Variants in RPS6KA2 observed in about 807,000 individuals in gnomAD.
RPS6KA2 encodes the protein ribosomal protein S6 kinase A2.
Under a neutral mutation model 91.8 loss-of-function variants are expected in RPS6KA2, and 42 were observed. That is an observed-to-expected ratio of 0.46 (90% CI 0.36 to 0.59). The LOEUF (loss-of-function observed/expected upper bound fraction) is 0.59. Ranked by LOEUF, RPS6KA2 falls within the 20% of genes least tolerant of loss-of-function variation. The probability of loss-of-function intolerance (pLI) is 0.00; values close to 1 mark genes in which losing one functional copy is unlikely to be tolerated. For missense variants in RPS6KA2, 798 were observed against 978.5 expected (o/e 0.82, Z 2.46); for synonymous variants, 414 against 393.6 (o/e 1.05, Z -0.61).
chr6:166,479,241 C>T (rs1180655919), intron 10 of RPS6KA2, among the ~76,000 whole-genome samples: 1 of 152,224 alleles, frequency 6.6e-6, no homozygotes, highest in Non-Finnish European at 1.5e-5. Context: ...CTTCACGGGT[C>T]CCCAGAGCCT....
chr6:166,814,849 A>C lies in RPS6KA2; in HGVS notation c.123+43351T>G, dbSNP rs147930919. On this transcript the variant is annotated intron_variant, in intron 2 of 21. Transcript: ENST00000503859. Reference sequence around the variant, plus strand: ...GAAAACAAGCTCAGGGCTCACATTGATTCTACGTGATGATGAGTTGTATCA... The same window carrying C: ...GAAAACAAGCTCAGGGCTCACATTGCTTCTACGTGATGATGAGTTGTATCA... 3.3e-3 allele frequency among the ~76,000 whole-genome samples: 499 copies of C among 152,310 alleles called. 2 individuals are homozygous for C. The highest frequency in any genetic ancestry group is 0.012 in the African/African-American group (487 of 41,562).
chr6:166,783,545 T>C (rs1395243701), intron 2 of RPS6KA2, among the ~76,000 whole-genome samples: 2 of 152,092 alleles, frequency 1.3e-5, no homozygotes, highest in East Asian at 1.9e-4. Flanking sequence ...ATGACATAGA[T>C]ATATGCATAC....
At position 166,770,907 on chromosome 6, in the gene RPS6KA2, T is replaced by C; in HGVS notation, c.123+87293A>G. ...TTTGTCTTGCAGGCAGCTGAGTCAC[T>C]TTTGCCCTGTGAAAATGGAAACGAA... is the stretch of plus-strand genomic sequence containing the variant. On this transcript the variant is annotated intron_variant, in intron 2 of 21. Transcript: ENST00000503859. This position sits in a 1 kb window ranked among gnomAD's most constrained non-coding sequence, Gnocchi z 5.1. 1 of 1,596,718 alleles carries C rather than the reference T, an allele frequency of 6.3e-7. No homozygotes were observed. Among genetic ancestry groups the C allele is most frequent in the African/African-American group, 1.3e-5 (1 of 74,952 alleles).
At chr6:166,504,649 TTTAAC>T (rs1782134895) in intron 5 of RPS6KA2, 37 bp from the exon 6 acceptor site, 1 of 1,393,296 alleles carries the variant, frequency 7.2e-7, no homozygotes, top group Non-Finnish European at 1.0e-6. Flanking sequence ...ACAAAAAACG[TTTAAC>T]TTGTTTTATG....
intron 2 of RPS6KA2, among the ~76,000 whole-genome samples, chr6:166,769,637 G>C (rs1032241944): frequency 6.6e-6 from 1 of 152,142 alleles, no homozygotes; most frequent in Admixed American, 6.5e-5. Context: ...TGCAAAATGC[G>C]TTCAGACCCA....
chr6:166,466,134 C>G (rs1461530040), intron 11 of RPS6KA2, among the ~76,000 whole-genome samples: 1 of 152,210 alleles, frequency 6.6e-6, no homozygotes, highest in Non-Finnish European at 1.5e-5. Context: ...AACTTCTCAG[C>G]TCTGATTCTA....
chr6:166,480,514 T>TATATATATATATATATAA (rs1554279395), intron 10 of RPS6KA2, among the ~76,000 whole-genome samples: 77 of 110,572 alleles, frequency 7.0e-4, no homozygotes, highest in African/African-American at 1.2e-3. Flanking sequence ...TATATATATA[T>TATATATATATATATATAA]AATATATTTT....
intron 2 of RPS6KA2, among the ~76,000 whole-genome samples, chr6:166,739,745 T>C (rs762828715): frequency 7.9e-5 from 12 of 152,206 alleles, no homozygotes; most frequent in Non-Finnish European, 1.8e-4. Flanking sequence ...CATCTCCACG[T>C]AGGAGCCACT....
At chr6:166,430,132 T>G (rs58361670) in intron 16 of RPS6KA2, among the ~76,000 whole-genome samples, 3,794 of 151,676 alleles carry the variant, frequency 0.025, 107 homozygotes, top group African/African-American at 0.073. Context: ...TAATTTTTTT[T>G]TTGTTGTTGT....
chr6:166,827,027 G>A (rs1780063192), intron 2 of RPS6KA2, among the ~76,000 whole-genome samples: 1 of 152,134 alleles, frequency 6.6e-6, no homozygotes, highest in Non-Finnish European at 1.5e-5. Flanking sequence ...GGAGGTGGGG[G>A]TATGGGGAGA....
chr6:166,505,693 GC>G (rs1388142176), intron 5 of RPS6KA2, among the ~76,000 whole-genome samples: 4 of 152,222 alleles, frequency 2.6e-5, no homozygotes, highest in Admixed American at 6.5e-5. Flanking sequence ...CTTCCACAGG[GC>G]TGGACACGCA....
rs531253461 is a variant in RPS6KA2 at position 166,418,676 on chromosome 6, C to A, written c.1821-334G>T. Among the ~76,000 whole-genome samples the A allele has an allele frequency of 6.6e-6, 1 of 152,178 alleles. No homozygotes were observed. Among genetic ancestry groups the A allele is most frequent in the African/African-American group, 2.4e-5 (1 of 41,428 alleles). On this transcript the variant is annotated intron_variant, in intron 18 of 20. Transcript: ENST00000265678. The surrounding 1 kb of genome is among the most constrained non-coding windows in gnomAD (Gnocchi z 4.9). Reference sequence around the variant, plus strand: ...TCCACGGTGATGGTGTGGCATCATGCGAGAGAGCCTGAGACGTGGAGTCTG... The same window carrying A: ...TCCACGGTGATGGTGTGGCATCATGAGAGAGAGCCTGAGACGTGGAGTCTG...
At chr6:166,628,120 C>A (rs1229967938), upstream of RPS6KA2, 2 of 152,410 alleles carry the variant, frequency 1.3e-5, no homozygotes, top group East Asian at 3.9e-4. Context: ...CTGGGAATAC[C>A]CGGGCGGGGT....
intron 7 of RPS6KA2, among the ~76,000 whole-genome samples, chr6:166,498,936 A>G (rs1236064951): frequency 6.6e-6 from 1 of 152,190 alleles, no homozygotes; most frequent in African/African-American, 2.4e-5. Context: ...GTTGTCAGTC[A>G]GTGACGGGAA....
chr6:166,656,336 T>C (rs187669432), intron 2 of RPS6KA2, among the ~76,000 whole-genome samples: 55 of 151,054 alleles, frequency 3.6e-4, no homozygotes, highest in Non-Finnish European at 1.9e-4. Flanking sequence ...AGAGAGGGAG[T>C]GGGCAGGACG....
chr6:166,571,023 C>T (rs900050570), intron 1 of RPS6KA2, among the ~76,000 whole-genome samples: 14 of 152,166 alleles, frequency 9.2e-5, no homozygotes, highest in East Asian at 1.9e-4. Flanking sequence ...AAAATAAAGG[C>T]GTGAGAGAGA....
intron 2 of RPS6KA2, among the ~76,000 whole-genome samples, chr6:166,853,969 G>A (rs899849475): frequency 1.3e-5 from 2 of 152,196 alleles, no homozygotes; most frequent in African/African-American, 2.4e-5. Flanking sequence ...TTTCTTCCAC[G>A]ACTGTGATGT....
intron 1 of RPS6KA2, among the ~76,000 whole-genome samples, chr6:166,539,560 C>A (rs1192169068): frequency 6.6e-6 from 1 of 152,210 alleles, no homozygotes; most frequent in Non-Finnish European, 1.5e-5. Flanking sequence ...AAGAACACGT[C>A]ATTGCCATCC....
intron 2 of RPS6KA2, among the ~76,000 whole-genome samples, chr6:166,814,468 C>T (rs147557891): frequency 2.1e-4 from 32 of 152,344 alleles, no homozygotes; most frequent in African/African-American, 5.5e-4. Flanking sequence ...AGTACCAGCC[C>T]GTGGCCTGTT....
Sources: allele counts gnomAD v4.1 joint callset (sites outside exome capture counted in the v4.1 genomes callset), GRCh38; gene constraint gnomAD v4.1.1; non-coding constraint Gnocchi (gnomAD v3.1); transcripts MANE v1.5; gene names NCBI Gene and HGNC (gene_info 2026-07-23, HGNC 2026-07-21).